PIGZ: variants seen among roughly 807,000 people sequenced by gnomAD.
PIGZ encodes the protein GPI alpha-1,2-mannosyltransferase 4.
PIGZ carries 16 observed loss-of-function variants against 16.4 expected under a neutral mutation model. The observed-to-expected ratio is 0.97, with a 90% CI of 0.66 to 1.48. The LOEUF (loss-of-function observed/expected upper bound fraction) is 1.48. Ranked by LOEUF, PIGZ falls within the 40% of genes most tolerant of loss-of-function variation. The pLI is 0.00. For synonymous variants in PIGZ, 409 were observed against 338.4 expected (o/e 1.21, Z -2.29); for missense variants, 770 against 739.2 (o/e 1.04, Z -0.48).
chr3:196,960,392 C>G lies in PIGZ; in HGVS notation c.-1+8295G>C, dbSNP rs575654887. ...TTCATTTGCTAAAAGAAAATAACGG[C>G]TGGGAGCGGTGGCTCACACTTTTAA... is the stretch of plus-strand genomic sequence containing the variant. On this transcript the variant is annotated intron_variant, in intron 1 of 2. Transcript: ENST00000412723. 5.1e-4 allele frequency among the ~76,000 whole-genome samples: 78 copies of G among 152,284 alleles called. No individual in the cohort carries two copies. The East Asian group carries it at 8.1e-3, about 16-fold the overall frequency.
In PIGZ at chr3:196,948,667, T is replaced by C. The variant is rs1577880346; in HGVS notation, c.230A>G (p.Gln77Arg). Reference sequence around the variant, plus strand: ...GTAAAACTCCCAGGGCCGCGCGGCCTGAACGCCCAGGATGTCCTCTGCAGA... The same window carrying C: ...GTAAAACTCCCAGGGCCGCGCGGCCCGAACGCCCAGGATGTCCTCTGCAGA... ...EVMAEDILGV[Q>R]AARPWEFYPS... The change falls in exon 3 of 3, where the codon CAG becomes CGG. Residue 77 changes from glutamine (Q) to arginine (R), a missense_variant. Transcript: ENST00000412723. 1.4e-6 allele frequency: 2 copies of C among 1,457,220 alleles called. No individual in the cohort carries two copies. Among genetic ancestry groups the C allele is most frequent in the South Asian group, 2.9e-5 (2 of 68,848 alleles). The allele number at this position is 1,457,220 out of a possible 1,614,324, so 90.3% of individuals were successfully genotyped here.
At position 196,946,743 on chromosome 3, in the gene PIGZ, A is replaced by ACCTAAGACCTATCGAACAT. The variant is rs1479556724; in HGVS notation, c.*413_*414insATGTTCGATAGGTCTTAGG. 4 of 161,148 alleles carry ACCTAAGACCTATCGAACAT rather than the reference A, an allele frequency of 2.5e-5. No homozygotes were observed. The highest frequency in any genetic ancestry group is 7.2e-5 in the African/African-American group (3 of 41,698). The allele number at this position is 161,148 out of a possible 1,614,324, so 10.0% of individuals were successfully genotyped here. A position where few individuals can be genotyped will look rare whatever the true frequency, so the allele number is the denominator to read the frequency against. ...TTCGATAGGCAGATGGGTCTTAGGA[A>ACCTAAGACCTATCGAACAT]GCCAGAGGGTTGTCATGACAGCAAG... On this transcript the variant is annotated 3_prime_UTR_variant, in exon 3 of 3. Transcript: ENST00000412723.
intron 1 of PIGZ, among the ~76,000 whole-genome samples, chr3:196,958,747 A>G (rs541187658): frequency 1.9e-3 from 284 of 152,380 alleles, no homozygotes; most frequent in Non-Finnish European, 3.5e-3. Context: ...ACACTTTGGC[A>G]TAATGTTGGC....
At chr3:196,964,606 C>T (rs547622603) in intron 1 of PIGZ, among the ~76,000 whole-genome samples, 1 of 152,214 alleles carries the variant, frequency 6.6e-6, no homozygotes, top group Admixed American at 6.5e-5. Context: ...CCACCTGCCT[C>T]GGCCTCCCAA....
At chr3:196,958,357 A>G (rs75544900) in intron 1 of PIGZ, among the ~76,000 whole-genome samples, 3,413 of 152,336 alleles carry the variant, frequency 0.022, 42 homozygotes, top group Middle Eastern at 0.041. Flanking sequence ...TAGGCCGGGC[A>G]TGGTGGCTCA....
At chr3:196,967,866 C>G (rs1460048712) in intron 1 of PIGZ, among the ~76,000 whole-genome samples, 2 of 152,244 alleles carry the variant, frequency 1.3e-5, no homozygotes, top group African/African-American at 4.8e-5. Context: ...CATTTAACCA[C>G]CCGCGACCTT....
At chr3:196,951,760 C>T (rs1717291126) in intron 2 of PIGZ, 61 bp downstream of exon 2, 6 of 1,538,288 alleles carry the variant, frequency 3.9e-6, no homozygotes, top group Non-Finnish European at 5.4e-6. Context: ...ACAAAGTCTC[C>T]CGTCAGCTTC....
At chr3:196,957,897 T>C (rs1178061275) in intron 1 of PIGZ, among the ~76,000 whole-genome samples, 1 of 152,126 alleles carries the variant, frequency 6.6e-6, no homozygotes, top group East Asian at 1.9e-4. Context: ...GTCTTTACAG[T>C]ACAATAAGAC....
chr3:196,961,875 A>G lies in PIGZ; in HGVS notation c.-1+6812T>C, dbSNP rs540033444. 1.8e-3 allele frequency among the ~76,000 whole-genome samples: 275 copies of G among 152,326 alleles called. 2 individuals are homozygous for G. The highest frequency in any genetic ancestry group is 6.5e-3 in the African/African-American group (269 of 41,582). On this transcript the variant is annotated intron_variant, in intron 1 of 2. Transcript: ENST00000412723. ...TTCGTAGACAGGTGCAACCATCACC[A>G]CAGTCAGTTTTACAAATTTTCATCA...
At position 196,947,454 on chromosome 3, in the gene PIGZ, T is replaced by C; in HGVS notation, c.1443A>G (p.Pro481=). The part of the protein sequence containing the change: ...HLLHLPGLGA[P]VEVVDMGGTE... ...TCCCCCCCATGTCCACCACCTCCAC[T>C]GGTGCCCCCAGGCCTGGGAGGTGTA... The change falls in exon 3 of 3, where the codon CCA becomes CCG. Residue 481 remains proline (P), a synonymous_variant. Coordinates refer to ENST00000412723, the MANE Select transcript of PIGZ (RefSeq NM_025163.4). The C allele has an allele frequency of 6.2e-7, 1 of 1,613,610 alleles. No individual in the cohort carries two copies. Among genetic ancestry groups the C allele is most frequent in the Non-Finnish European group, 8.5e-7 (1 of 1,179,964 alleles).
In PIGZ at chr3:196,947,883, C is replaced by A. The variant is rs775881077; in HGVS notation, c.1014G>T (p.Trp338Cys). 6.2e-7 allele frequency: 1 copy of A among 1,613,926 alleles called. No individual in the cohort carries two copies. Among genetic ancestry groups the A allele is most frequent in the South Asian group, 1.1e-5 (1 of 91,076 alleles). Residue 338 changes from tryptophan (W) to cysteine (C), a missense_variant, in exon 3 of 3, where the codon TGG becomes TGT. By Grantham distance (215) the Trp-to-Cys change is radical. Transcript: ENST00000412723. Reference protein sequence around the residue: ...VLHAQALQAAWQRLQVGLQAS... With the variant: ...VLHAQALQAACQRLQVGLQAS... The stretch of plus-strand genomic sequence containing the variant: ...CCTGGAGGCCGACTTGCAGCCGTTG[C>A]CACGCAGCCTGCAGGGCCTGGGCAT...
intron 1 of PIGZ, among the ~76,000 whole-genome samples, chr3:196,960,047 A>G (rs524766): frequency 0.8 from 122,070 of 152,232 alleles, 49,723 homozygotes; most frequent in African/African-American, 0.95. Flanking sequence ...TCCAGTCCCC[A>G]CTTTGTGGGA....
chr3:196,968,453 G>A (rs1247016901), intron 1 of PIGZ, among the ~76,000 whole-genome samples: 3 of 152,220 alleles, frequency 2.0e-5, no homozygotes, highest in Non-Finnish European at 4.4e-5. Flanking sequence ...TGTCACCGCT[G>A]CCTCCGTCCC....
chr3:196,948,925 TTCCCTTTACTTCCCTTCCTTCCCCTCCCC>T lies in PIGZ; in HGVS notation c.212-269_212-241del, dbSNP rs1285142351. Among the ~76,000 whole-genome samples the T allele has an allele frequency of 1.1e-3, 23 of 20,436 alleles. 4 individuals carry two copies. The highest frequency in any genetic ancestry group is 6.8e-3 in the African/African-American group (18 of 2,654). The allele number at this position is 20,436 out of a possible 152,430, so 13.4% of individuals were successfully genotyped here. A position where few individuals can be genotyped will look rare whatever the true frequency, so the allele number is the denominator to read the frequency against. ...CTTCCCCTCCCCTCCCTTCCCTTCC[TTCCCTTTACTTCCCTTCCTTCCCCTCCCC>T]TCCCTTCCTTCCCTTCCCCTCCCCT... On this transcript the variant is annotated intron_variant, in intron 2 of 2. Transcript: ENST00000412723.
At chr3:196,953,954 C>T (rs1287857740) in intron 1 of PIGZ, among the ~76,000 whole-genome samples, 1 of 151,640 alleles carries the variant, frequency 6.6e-6, no homozygotes, top group Non-Finnish European at 1.5e-5. Flanking sequence ...GATCACACTA[C>T]TGCACTTCTG....
intron 1 of PIGZ, among the ~76,000 whole-genome samples, chr3:196,953,754 AC>A (rs1297238652): frequency 6.6e-6 from 1 of 151,980 alleles, no homozygotes; most frequent in Non-Finnish European, 1.5e-5. Context: ...TAATCCCAGA[AC>A]TTTGGGAGGC....
At chr3:196,949,075 C>T (rs1178548365) in intron 2 of PIGZ, among the ~76,000 whole-genome samples, 2 of 141,382 alleles carry the variant, frequency 1.4e-5, no homozygotes, top group Non-Finnish European at 3.0e-5. Flanking sequence ...TCCTTCGCTT[C>T]GTTCATCTCT....
At chr3:196,958,638 A>T (rs986139645) in intron 1 of PIGZ, among the ~76,000 whole-genome samples, 11 of 152,322 alleles carry the variant, frequency 7.2e-5, no homozygotes, top group African/African-American at 2.4e-4. Context: ...TCAAAAACAA[A>T]AAACAACAAA....
rs763800367 is a variant in PIGZ at position 196,965,469 on chromosome 3, G to A, written c.-1+3218C>T. ...TTACAATTCAAGATGAGATTGGGGC[G>A]GGGACACAAAAGCCTAACCATGTCA... On this transcript the variant is annotated intron_variant, in intron 1 of 2. Coordinates refer to ENST00000412723, the MANE Select transcript of PIGZ (RefSeq NM_025163.4). This position sits in a 1 kb window ranked among gnomAD's most constrained non-coding sequence, Gnocchi z 4.2. 1.3e-5 allele frequency among the ~76,000 whole-genome samples: 2 copies of A among 152,176 alleles called. No homozygotes were observed. Among genetic ancestry groups the A allele is most frequent in the Non-Finnish European group, 2.9e-5 (2 of 68,032 alleles).
Sources: allele counts gnomAD v4.1 joint callset (sites outside exome capture counted in the v4.1 genomes callset), GRCh38; gene constraint gnomAD v4.1.1; non-coding constraint Gnocchi (gnomAD v3.1); transcripts MANE v1.5; gene names NCBI Gene and HGNC (gene_info 2026-07-23, HGNC 2026-07-21).